The following RPS6KA5 variants were observed in gnomAD, a reference collection of about 807,000 sequenced individuals.
The protein encoded by RPS6KA5 is ribosomal protein S6 kinase A5, also known as ribosomal protein S6 kinase alpha-5.
A neutral mutation model predicts 85.5 loss-of-function variants in RPS6KA5; 27 were observed. That is an observed-to-expected ratio of 0.32 (90% CI 0.23 to 0.44). RPS6KA5 has a LOEUF of 0.44. Ranked by LOEUF, RPS6KA5 falls within the 20% of genes least tolerant of loss-of-function variation. RPS6KA5 has a pLI of 1.00. For synonymous variants in RPS6KA5, 334 were observed against 348.2 expected, an observed-to-expected ratio of 0.96 and a Z score of 0.46; for missense variants, 811 against 980.9, an observed-to-expected ratio of 0.83 and a Z score of 2.31.
In RPS6KA5 at chr14:90,865,419, T is replaced by C. The variant is rs945847027; in HGVS notation, c.*6655A>G. 5 of 152,216 alleles carry C rather than the reference T, an allele frequency of 3.3e-5. No individual in the cohort carries two copies. The highest frequency in any genetic ancestry group is 4.4e-5 in the Non-Finnish European group (3 of 68,040). 9.4% of individuals were successfully genotyped at this position (152,216 alleles called of 1,614,324 possible). The stretch of plus-strand genomic sequence containing the variant: ...AAATTAAACCAGACACAAAAACCTA[T>C]AGACTGGATAATTCCATGTATAGGA... On this transcript the variant is annotated 3_prime_UTR_variant, in exon 17 of 17. Transcript: ENST00000614987.
In RPS6KA5 at chr14:90,871,399, A is replaced by C. The variant is rs1369490307; in HGVS notation, c.*675T>G. 6.6e-6 allele frequency: 1 copy of C among 152,586 alleles called. No individual in the cohort carries two copies. Among genetic ancestry groups the C allele is most frequent in the African/African-American group, 2.4e-5 (1 of 41,454 alleles). The allele number at this position is 152,586 out of a possible 1,614,324, so 9.5% of individuals were successfully genotyped here. On this transcript the variant is annotated 3_prime_UTR_variant, in exon 17 of 17. Coordinates refer to ENST00000614987, the MANE Select transcript of RPS6KA5 (RefSeq NM_004755.4). ...CCATTAAAACAAATTGCCAGGAAAG[A>C]GCAGTGCAAAATTAAAAACATACAC... is the stretch of plus-strand genomic sequence containing the variant.
chr14:91,045,751 C>A (rs1209237559), intron 1 of RPS6KA5, among the ~76,000 whole-genome samples: 1 of 152,142 alleles, frequency 6.6e-6, no homozygotes, highest in Non-Finnish European at 1.5e-5. Context: ...CAAAGCAAAA[C>A]TAATCTCATC....
intron 1 of RPS6KA5, among the ~76,000 whole-genome samples, chr14:91,053,865 T>C (rs1299696138): frequency 6.6e-6 from 1 of 152,194 alleles, no homozygotes; most frequent in Non-Finnish European, 1.5e-5. Flanking sequence ...AGAATCCATA[T>C]GGAAATACAA....
chr14:91,004,011 T>C (rs1013656694), intron 1 of RPS6KA5, among the ~76,000 whole-genome samples: 4 of 152,220 alleles, frequency 2.6e-5, no homozygotes, highest in Admixed American at 6.5e-5. Context: ...AGGTTTCAGT[T>C]TGGGGTACAG....
At chr14:90,910,691 T>A (rs1984425) in intron 7 of RPS6KA5, among the ~76,000 whole-genome samples, 98,412 of 147,910 alleles carry the variant, frequency 0.67, 33,289 homozygotes, top group East Asian at 0.88. Flanking sequence ...TATTATTTTT[T>A]TTTTTTTTTT....
chr14:90,983,803 C>CTCTCTCTCTCTG (rs2039923248), intron 2 of RPS6KA5, among the ~76,000 whole-genome samples: 5 of 123,670 alleles, frequency 4.0e-5, no homozygotes, highest in African/African-American at 1.3e-4. Flanking sequence ...CTCTCTCTCT[C>CTCTCTCTCTCTG]TCTCTCTCTC....
At chr14:90,894,675 C>A in intron 12 of RPS6KA5, 92 bp from the exon 13 acceptor site, 1 of 1,363,754 alleles carries the variant, frequency 7.3e-7, no homozygotes, top group South Asian at 1.5e-5. Context: ...ACCACCAATA[C>A]GTTTAAATAA....
intron 7 of RPS6KA5, among the ~76,000 whole-genome samples, chr14:90,910,651 G>A (rs931669459): frequency 1.3e-5 from 2 of 150,890 alleles, no homozygotes; most frequent in Non-Finnish European, 2.9e-5. Context: ...AACAATAGGC[G>A]ATGCTCACTT....
intron 2 of RPS6KA5, among the ~76,000 whole-genome samples, chr14:90,998,564 T>A (rs1366003593): frequency 6.6e-6 from 1 of 152,154 alleles, no homozygotes; most frequent in Non-Finnish European, 1.5e-5. Context: ...CCCCTTTGAG[T>A]AGATATTGCC....
chr14:90,885,741 C>CAAAAAAAAAAAAAAAAAAAAA (rs11312699), intron 14 of RPS6KA5, among the ~76,000 whole-genome samples: 1 of 27,886 alleles, frequency 3.6e-5, no homozygotes. Flanking sequence ...GACTCCATCT[C>CAAAAAAAAAAAAAAAAAAAAA]AAAAAAAAAA....
intron 5 of RPS6KA5, among the ~76,000 whole-genome samples, chr14:90,930,954 T>A (rs74795509): frequency 0.013 from 1,947 of 152,316 alleles, 41 homozygotes; most frequent in African/African-American, 0.045. Flanking sequence ...TGTAAAATGG[T>A]GCAGCTGCTA....
chr14:91,032,921 C>A (rs1251232944), intron 1 of RPS6KA5, among the ~76,000 whole-genome samples: 2 of 151,942 alleles, frequency 1.3e-5, no homozygotes, highest in African/African-American at 4.8e-5. Flanking sequence ...CACCTGTAAT[C>A]CCAGTACTTT....
At chr14:90,964,914 CAAA>C (rs10713991) in intron 3 of RPS6KA5, among the ~76,000 whole-genome samples, 9 of 70,642 alleles carry the variant, frequency 1.3e-4, no homozygotes, top group African/African-American at 1.6e-4. Flanking sequence ...GACCCTGTCT[CAAA>C]AAAAAAAAAA....
chr14:90,946,794 A>G (rs2037893738), intron 4 of RPS6KA5, among the ~76,000 whole-genome samples: 1 of 152,242 alleles, frequency 6.6e-6, no homozygotes. Flanking sequence ...AAACCGAGTG[A>G]AAATTTCTTG....
chr14:91,040,339 T>TGG (rs1324096318), intron 1 of RPS6KA5, among the ~76,000 whole-genome samples: 1 of 151,926 alleles, frequency 6.6e-6, no homozygotes, highest in Non-Finnish European at 1.5e-5. Context: ...ACCCGAGAGG[T>TGG]GGAGGTTCCA....
intron 3 of RPS6KA5, among the ~76,000 whole-genome samples, chr14:90,971,342 A>G (rs900768613): frequency 1.3e-5 from 2 of 152,126 alleles, no homozygotes; most frequent in African/African-American, 4.8e-5. Flanking sequence ...TTGGAACCCT[A>G]CCATGCCTAT....
At position 91,060,620 on chromosome 14, in the gene RPS6KA5, C is replaced by T. The variant is rs542600000; in HGVS notation, c.-186G>A. 1.4e-4 allele frequency: 110 copies of T among 778,048 alleles called. No homozygotes were observed. Among genetic ancestry groups the T allele is most frequent in the Admixed American group, 4.0e-4 (9 of 22,586 alleles). 48.2% of individuals were successfully genotyped at this position (778,048 alleles called of 1,614,324 possible). A position where few individuals can be genotyped will look rare whatever the true frequency, so the allele number is the denominator to read the frequency against. Reference sequence around the variant, plus strand: ...GCTCGCTCCTCGCCTCCTCCCCCTTCGGCGGGCACCGCTAGTACCGCGCAA... The same window carrying T: ...GCTCGCTCCTCGCCTCCTCCCCCTTTGGCGGGCACCGCTAGTACCGCGCAA... On this transcript the variant is annotated 5_prime_UTR_variant, in exon 1 of 17. Transcript: ENST00000614987.
intron 1 of RPS6KA5, among the ~76,000 whole-genome samples, chr14:91,027,991 G>T (rs76287158): frequency 0.013 from 2,004 of 152,216 alleles, 55 homozygotes; most frequent in African/African-American, 0.046. Flanking sequence ...GCATATAAAA[G>T]CATATAAAAA....
At chr14:90,923,272 T>C in intron 5 of RPS6KA5, 76 bp from the exon 6 acceptor site, 2 of 1,173,118 alleles carry the variant, frequency 1.7e-6, no homozygotes, top group Non-Finnish European at 2.5e-6. Flanking sequence ...GTAATACATG[T>C]TAGTGGTTGA....
Sources: allele counts gnomAD v4.1 joint callset (sites outside exome capture counted in the v4.1 genomes callset), GRCh38; gene constraint gnomAD v4.1.1; transcripts MANE v1.5; gene names NCBI Gene and HGNC (gene_info 2026-07-23, HGNC 2026-07-21).